Variants in LHPP observed in about 807,000 individuals in gnomAD.
LHPP encodes the protein phospholysine phosphohistidine inorganic pyrophosphate phosphatase.
Under a neutral mutation model 30.3 loss-of-function variants are expected in LHPP, and 24 were observed. That is an observed-to-expected ratio of 0.79 (90% CI 0.57 to 1.11). The LOEUF (loss-of-function observed/expected upper bound fraction) is 1.11. LHPP is among the 50% of genes most tolerant of loss of function. LHPP has a pLI of 0.00. For missense variants in LHPP, 356 were observed against 367.2 expected (o/e 0.97, Z 0.25); for synonymous variants, 150 against 157.1 (o/e 0.95, Z 0.34).
intron 1 of LHPP, among the ~76,000 whole-genome samples, chr10:124,480,065 G>T (rs965373179): frequency 6.6e-6 from 1 of 152,232 alleles, no homozygotes; most frequent in Non-Finnish European, 1.5e-5. Flanking sequence ...TTACCCAGAT[G>T]CAAGGCTCAG....
At chr10:124,554,655 G>A (rs895565983) in intron 6 of LHPP, among the ~76,000 whole-genome samples, 1 of 152,156 alleles carries the variant, frequency 6.6e-6, no homozygotes, top group Non-Finnish European at 1.5e-5. Flanking sequence ...GTGGGCCCAG[G>A]TGGGAGGGGC....
chr10:124,527,191 G>A (rs908572033), intron 6 of LHPP, among the ~76,000 whole-genome samples: 1 of 152,196 alleles, frequency 6.6e-6, no homozygotes, highest in Non-Finnish European at 1.5e-5. Flanking sequence ...ACAGCCCAGG[G>A]GCAGGGGAGG....
At chr10:124,489,513 G>C (rs548932264) in intron 3 of LHPP, among the ~76,000 whole-genome samples, 1 of 152,116 alleles carries the variant, frequency 6.6e-6, no homozygotes, top group Non-Finnish European at 1.5e-5. Context: ...GGAGTGCAGC[G>C]GCGTGATCTC....
intron 6 of LHPP, among the ~76,000 whole-genome samples, chr10:124,551,627 G>A (rs375357300): frequency 7.9e-5 from 12 of 152,194 alleles, no homozygotes; most frequent in African/African-American, 1.4e-4. Context: ...CCCACCATGC[G>A]GAGGGGCCAG....
At chr10:124,505,582 C>G (rs1432198026) in intron 5 of LHPP, among the ~76,000 whole-genome samples, 1 of 152,214 alleles carries the variant, frequency 6.6e-6, no homozygotes, top group African/African-American at 2.4e-5. Context: ...AAATTCAAAC[C>G]TCTTAGAGGC....
rs781004515 is a variant in LHPP at position 124,465,714 on chromosome 10, AC to A, written c.125+3729del. On this transcript the variant is annotated intron_variant, in intron 1 of 6. Coordinates refer to ENST00000368842, the MANE Select transcript of LHPP (RefSeq NM_022126.4). Reference sequence around the variant, plus strand: ...GCAGCTGGGACTACAGGCATATGCCACCGTGCCCAGCTAATTTTTGGTATTT... The same window carrying A: ...GCAGCTGGGACTACAGGCATATGCCACGTGCCCAGCTAATTTTTGGTATTT... Among the ~76,000 whole-genome samples the A allele has an allele frequency of 9.5e-4, 145 of 152,178 alleles. 1 individual carries two copies. The highest frequency in any genetic ancestry group is 2.0e-3 in the Non-Finnish European group (134 of 68,024).
intron 6 of LHPP, among the ~76,000 whole-genome samples, chr10:124,519,919 G>A (rs1448473646): frequency 2.0e-5 from 3 of 151,734 alleles, no homozygotes; most frequent in South Asian, 2.1e-4. Context: ...TGCAAGCTCC[G>A]CCTCCCGGGT....
At chr10:124,600,076 G>T (rs12416291) in intron 6 of LHPP, among the ~76,000 whole-genome samples, 6,219 of 152,246 alleles carry the variant, frequency 0.041, 272 homozygotes, top group East Asian at 0.19. Context: ...GGGCAGTTGG[G>T]GACATGAGTG....
At chr10:124,564,940 G>A (rs994900983) in intron 6 of LHPP, among the ~76,000 whole-genome samples, 11 of 152,208 alleles carry the variant, frequency 7.2e-5, no homozygotes, top group Non-Finnish European at 1.6e-4. Context: ...TGTTCTCACT[G>A]ATATGTGGGA....
chr10:124,499,083 T>C (rs1953825768), intron 5 of LHPP, among the ~76,000 whole-genome samples: 1 of 151,108 alleles, frequency 6.6e-6, no homozygotes, highest in Non-Finnish European at 1.5e-5. Flanking sequence ...TTTCACCATG[T>C]TGGCCAGGCT....
chr10:124,515,043 C>T (rs1210534793), intron 5 of LHPP, among the ~76,000 whole-genome samples: 21 of 152,154 alleles, frequency 1.4e-4, no homozygotes, highest in Admixed American at 1.3e-3. Context: ...CTCAAGTGAT[C>T]CTCCCACCTC....
intron 3 of LHPP, chr10:124,493,610 G>A (rs1287288172): frequency 6.6e-6 from 1 of 152,214 alleles, no homozygotes; most frequent in Non-Finnish European, 1.5e-5. Flanking sequence ...TCTGGGAAAG[G>A]TCAAGTGGTC....
chr10:124,506,201 A>G (rs1954058572), intron 5 of LHPP, among the ~76,000 whole-genome samples: 1 of 151,536 alleles, frequency 6.6e-6, no homozygotes, highest in Non-Finnish European at 1.5e-5. Context: ...GTGAGCCAAG[A>G]TGGTACCACT....
intron 6 of LHPP, among the ~76,000 whole-genome samples, chr10:124,595,806 C>T (rs1010895753): frequency 2.6e-5 from 4 of 152,182 alleles, no homozygotes; most frequent in South Asian, 2.1e-4. Flanking sequence ...TAAATAAAGA[C>T]ATCTGTCTGA....
At chr10:124,494,679 C>T (rs1953652936) in intron 3 of LHPP, among the ~76,000 whole-genome samples, 1 of 152,164 alleles carries the variant, frequency 6.6e-6, no homozygotes, top group South Asian at 2.1e-4. Flanking sequence ...CCCGGACCTC[C>T]CCTTCACTTC....
intron 6 of LHPP, among the ~76,000 whole-genome samples, chr10:124,599,060 C>T (rs1379003430): frequency 6.6e-6 from 1 of 151,466 alleles, no homozygotes; most frequent in African/African-American, 2.4e-5. Flanking sequence ...CCTGTCCATC[C>T]ATCCACTCAT....
chr10:124,588,605 T>C (rs1948834859), intron 6 of LHPP, among the ~76,000 whole-genome samples: 1 of 152,112 alleles, frequency 6.6e-6, no homozygotes, highest in Non-Finnish European at 1.5e-5. Flanking sequence ...CAATACAAGT[T>C]TTTACAGATG....
chr10:124,608,029 A>G (rs546879276), intron 6 of LHPP, among the ~76,000 whole-genome samples: 9 of 152,220 alleles, frequency 5.9e-5, no homozygotes, highest in African/African-American at 2.2e-4. Flanking sequence ...GAAGCGTTGC[A>G]GGGGCAGAGG....
At chr10:124,518,680 ATGTC>A (rs1954527919) in intron 6 of LHPP, among the ~76,000 whole-genome samples, 1 of 152,186 alleles carries the variant, frequency 6.6e-6, no homozygotes, top group African/African-American at 2.4e-5. Flanking sequence ...GAGGAGAAAC[ATGTC>A]TGTCCTGAAT....
Sources: gnomAD v4.1 joint callset for allele counts (sites outside exome capture counted in the v4.1 genomes callset) on GRCh38, gnomAD v4.1.1 for gene constraint, MANE v1.5 for transcripts, NCBI Gene and HGNC (gene_info 2026-07-23, HGNC 2026-07-21) for gene names.